ATE1: variants seen among roughly 807,000 people sequenced by gnomAD.
ATE1 encodes the protein arginyltransferase 1.
In ATE1, 36 loss-of-function variants were observed where a neutral mutation model predicts 70.5. The ratio of observed to expected loss-of-function variants is 0.51; its 90% CI spans 0.39 to 0.67. The LOEUF is 0.67. ATE1 is among the 30% of genes least tolerant of loss of function. The pLI is 0.00. For missense variants in ATE1, 593 were observed against 629.5 expected (o/e 0.94, Z 0.62); for synonymous variants, 232 against 219.3 (o/e 1.06, Z -0.51).
In ATE1 at chr10:121,924,112, T is replaced by A. The variant is rs189339794; in HGVS notation, c.170+154A>T. On this transcript the variant is annotated intron_variant, in intron 2 of 11. Coordinates refer to ENST00000224652, the MANE Select transcript of ATE1 (RefSeq NM_001001976.3). Reference sequence around the variant, plus strand: ...GATATTTGACATTTTCCTAACAAAGTTTTTTAAAAAGGAGACAAAAAATCA... The same window carrying A: ...GATATTTGACATTTTCCTAACAAAGATTTTTAAAAAGGAGACAAAAAATCA... 2.7e-3 allele frequency among the ~76,000 whole-genome samples: 413 copies of A among 152,284 alleles called. 4 individuals carry two copies. The highest frequency in any genetic ancestry group is 1.5e-3 in the East Asian group (8 of 5,186).
intron 10 of ATE1, among the ~76,000 whole-genome samples, chr10:121,792,017 A>T (rs1357180462): frequency 6.6e-6 from 1 of 152,248 alleles, no homozygotes; most frequent in African/African-American, 2.4e-5. Flanking sequence ...AAGCATTCAG[A>T]AGTCTGGAAG....
intron 11 of ATE1, among the ~76,000 whole-genome samples, chr10:121,753,356 T>C (rs1034605598): frequency 6.6e-6 from 1 of 152,154 alleles, no homozygotes; most frequent in Non-Finnish European, 1.5e-5. Context: ...AGGAAAAAAA[T>C]CTATGCAATT....
intron 4 of ATE1, among the ~76,000 whole-genome samples, chr10:121,913,132 G>A (rs1365876738): frequency 4.6e-5 from 7 of 152,236 alleles, no homozygotes; most frequent in African/African-American, 1.7e-4. Flanking sequence ...GCCTGCCTCG[G>A]CCTCCCAAGG....
At chr10:121,896,044 T>C (rs1227897314) in intron 7 of ATE1, among the ~76,000 whole-genome samples, 1 of 152,242 alleles carries the variant, frequency 6.6e-6, no homozygotes, top group East Asian at 1.9e-4. Flanking sequence ...AATCTAAGAA[T>C]AGAGTTCCCT....
At chr10:121,862,511 C>T (rs369445225) in intron 8 of ATE1, among the ~76,000 whole-genome samples, 2 of 150,710 alleles carry the variant, frequency 1.3e-5, no homozygotes, top group East Asian at 2.0e-4. Context: ...CACACATTAC[C>T]ACAACTGATT....
At chr10:121,827,248 G>A (rs568003294) in intron 10 of ATE1, among the ~76,000 whole-genome samples, 4 of 152,182 alleles carry the variant, frequency 2.6e-5, no homozygotes, top group East Asian at 1.9e-4. Context: ...TCTTGACCTC[G>A]TGATCCACCT....
chr10:121,793,790 C>T (rs1280537306), intron 10 of ATE1, among the ~76,000 whole-genome samples: 3 of 152,092 alleles, frequency 2.0e-5, no homozygotes, highest in Non-Finnish European at 4.4e-5. Flanking sequence ...ACTTTCTATG[C>T]CATACTCTTA....
intron 11 of ATE1, among the ~76,000 whole-genome samples, chr10:121,766,915 C>T (rs1248853284): frequency 6.6e-6 from 1 of 152,164 alleles, no homozygotes; most frequent in Non-Finnish European, 1.5e-5. Flanking sequence ...ACCCATTCCA[C>T]ACAATCCCTT....
chr10:121,790,320 CATT>C lies in ATE1; in HGVS notation c.1258-34_1258-32del, dbSNP rs773430386. ...GAAAAGTGAAGGAAAAAGGCACAGG[CATT>C]ATTAACACAGCAATGCCAGAGATAA... is the stretch of plus-strand genomic sequence containing the variant. On this transcript the variant is annotated intron_variant, in intron 10 of 11. Transcript: ENST00000224652. 4 of 1,609,416 alleles carry C rather than the reference CATT, an allele frequency of 2.5e-6. No homozygotes were observed. The Admixed American group carries it at 6.7e-5, about 27-fold the overall frequency.
At chr10:121,895,984 A>C (rs1450501277) in intron 7 of ATE1, among the ~76,000 whole-genome samples, 1 of 152,134 alleles carries the variant, frequency 6.6e-6, no homozygotes, top group African/African-American at 2.4e-5. Context: ...GCTGGGTGTA[A>C]TAATGGTACT....
rs183570034 is a variant in ATE1, at chr10:121,741,497, A to G, written c.*2183T>C. 1 of 152,326 alleles carries G rather than the reference A, an allele frequency of 6.6e-6. No individual in the cohort carries two copies. Among genetic ancestry groups the G allele is most frequent in the East Asian group, 1.9e-4 (1 of 5,176 alleles). 9.4% of individuals were successfully genotyped at this position (152,326 alleles called of 1,614,324 possible). On this transcript the variant is annotated 3_prime_UTR_variant, in exon 12 of 12. Transcript: ENST00000224652. ...TTCCTCTGAAAATGAATTCTGCAGG[A>G]AGAAACCAGAGTTGTGGTAAGATGT...
At chr10:121,808,933 T>A (rs552963167) in intron 10 of ATE1, among the ~76,000 whole-genome samples, 1 of 152,368 alleles carries the variant, frequency 6.6e-6, no homozygotes, top group African/African-American at 2.4e-5. Flanking sequence ...ACTCTTTTGA[T>A]GTATCTTGCA....
chr10:121,865,403 CA>C (rs1949628305), intron 8 of ATE1, among the ~76,000 whole-genome samples: 1 of 152,196 alleles, frequency 6.6e-6, no homozygotes, highest in Non-Finnish European at 1.5e-5. Flanking sequence ...TCTCTACCTA[CA>C]AAAGTGACAA....
intron 5 of ATE1, among the ~76,000 whole-genome samples, chr10:121,909,880 A>G (rs1951351363): frequency 1.3e-5 from 2 of 152,026 alleles, no homozygotes; most frequent in South Asian, 4.1e-4. Context: ...CCCTGTCTCT[A>G]CAAAAAATTT....
At chr10:121,926,288 G>A (rs921718916) in intron 1 of ATE1, among the ~76,000 whole-genome samples, 1 of 152,246 alleles carries the variant, frequency 6.6e-6, no homozygotes, top group South Asian at 2.1e-4. Context: ...GCTTGATAGA[G>A]CAGAATATAG....
chr10:121,864,172 C>T (rs1488540127), intron 8 of ATE1, among the ~76,000 whole-genome samples: 3 of 152,204 alleles, frequency 2.0e-5, no homozygotes, highest in Admixed American at 2.0e-4. Context: ...CAGTCCCCAA[C>T]CTTTTTGGCA....
intron 5 of ATE1, among the ~76,000 whole-genome samples, chr10:121,903,810 A>T (rs940792128): frequency 2.0e-5 from 3 of 152,160 alleles, no homozygotes; most frequent in Non-Finnish European, 4.4e-5. Context: ...TTAACAGACC[A>T]AATATCAAAC....
chr10:121,847,932 G>A (rs1363252191), intron 8 of ATE1, among the ~76,000 whole-genome samples: 1 of 151,706 alleles, frequency 6.6e-6, no homozygotes, highest in African/African-American at 2.4e-5. Context: ...TTAGCCAGGT[G>A]TGGTGGCACG....
intron 8 of ATE1, among the ~76,000 whole-genome samples, chr10:121,865,691 G>A (rs190961757): frequency 2.0e-5 from 3 of 152,140 alleles, no homozygotes; most frequent in South Asian, 2.1e-4. Flanking sequence ...CTGACTTGAC[G>A]AGGTGATAAA....
Sources: allele counts gnomAD v4.1 joint callset (sites outside exome capture counted in the v4.1 genomes callset), GRCh38; gene constraint gnomAD v4.1.1; transcripts MANE v1.5; gene names NCBI Gene and HGNC (gene_info 2026-07-23, HGNC 2026-07-21).